Variants in TNN observed in about 807,000 individuals in gnomAD.
TNN encodes the protein tenascin N.
In TNN, 122 loss-of-function variants were observed where a neutral mutation model predicts 134.4. The observed-to-expected ratio is 0.91, with a 90% CI of 0.78 to 1.06. TNN has a LOEUF of 1.06. TNN is among the 50% of genes least tolerant of loss of function. TNN has a pLI of 0.00. For missense variants in TNN, 1,739 were observed against 1,699.4 expected, an observed-to-expected ratio of 1.02 and a Z score of -0.41; for synonymous variants, 710 against 670.3, an observed-to-expected ratio of 1.06 and a Z score of -0.91.
intron 1 of TNN, among the ~76,000 whole-genome samples, chr1:175,070,392 C>G (rs1360800382): frequency 6.6e-6 from 1 of 152,112 alleles, no homozygotes; most frequent in African/African-American, 2.4e-5. Context: ...AGGACACCAT[C>G]CTTGATCTTT....
chr1:175,114,497 A>C (rs1025509468), intron 9 of TNN, among the ~76,000 whole-genome samples: 1 of 152,344 alleles, frequency 6.6e-6, no homozygotes, highest in East Asian at 1.9e-4. Flanking sequence ...GCATAGAAGC[A>C]GTTGCCATGA....
intron 2 of TNN, 134 bp from the exon 3 acceptor site, chr1:175,079,199 G>T: frequency 8.7e-7 from 1 of 1,153,426 alleles, no homozygotes; most frequent in Non-Finnish European, 1.2e-6. Context: ...AAATAGCCGT[G>T]CAAGACCCAG....
At chr1:175,118,424 G>C in intron 10 of TNN, 137 bp from the exon 11 acceptor site, 1 of 1,080,478 alleles carries the variant, frequency 9.3e-7, no homozygotes, top group Non-Finnish European at 1.3e-6. Context: ...CCATGAAACA[G>C]CTAAAAATGA....
At chr1:175,109,334 C>A (rs1027377418) in intron 9 of TNN, among the ~76,000 whole-genome samples, 1 of 150,812 alleles carries the variant, frequency 6.6e-6, no homozygotes, top group African/African-American at 2.4e-5. Flanking sequence ...ATGATGCACC[C>A]GCCTCGGCCT....
At position 175,079,322 on chromosome 1, in the gene TNN, C is replaced by T; in HGVS notation, c.410-11C>T. ...TTCAACCCAACCTACTGTTTCTCCTCTCCCTCCCAGATCTAAGCCGCCACT... is the reference window on the plus strand; with the variant it reads ...TTCAACCCAACCTACTGTTTCTCCTTTCCCTCCCAGATCTAAGCCGCCACT... On this transcript the variant is annotated splice_polypyrimidine_tract_variant and intron_variant, in intron 2 of 18. Coordinates refer to ENST00000239462, the MANE Select transcript of TNN (RefSeq NM_022093.2). 3 of 1,578,112 alleles carry T rather than the reference C, an allele frequency of 1.9e-6. No homozygotes were observed. Among genetic ancestry groups the T allele is most frequent in the Non-Finnish European group, 2.6e-6 (3 of 1,170,660 alleles).
chr1:175,077,798 G>C lies in TNN; in HGVS notation c.380G>C (p.Ser127Thr). The change falls in exon 2 of 19, where the codon AGT becomes ACT. Residue 127 changes from serine (S) to threonine (T), a missense_variant. Transcript: ENST00000239462. ...EEMVEMKEQC[S>T]AQRCCQGVTD... is the part of the protein sequence containing the mutation. Reference sequence around the variant, plus strand: ...ATGGTGGAGATGAAGGAACAGTGTAGTGCCCAGCGCTGCTGCCAGGGAGTC... The same window carrying C: ...ATGGTGGAGATGAAGGAACAGTGTACTGCCCAGCGCTGCTGCCAGGGAGTC... 6.2e-7 allele frequency: 1 copy of C among 1,613,978 alleles called. No homozygotes were observed. The highest frequency in any genetic ancestry group is 8.5e-7 in the Non-Finnish European group (1 of 1,179,846).
At position 175,117,307 on chromosome 1, in the gene TNN, A is replaced by G. The variant is rs1041743319; in HGVS notation, c.2386+102A>G. 7.0e-6 allele frequency: 11 copies of G among 1,569,298 alleles called. No homozygotes were observed. In the African/African-American group the frequency reaches 1.1e-4, roughly 16 times the overall value. The stretch of plus-strand genomic sequence containing the variant: ...TGACATTGGCAGAAGTCAATGATTA[A>G]TGGAAGAGTGGGATGGCATCCCTTC... On this transcript the variant is annotated intron_variant, in intron 10 of 18. Transcript: ENST00000239462.
intron 14 of TNN, 38 bp from the exon 15 acceptor site, chr1:175,128,557 C>T (rs369275506): frequency 1.9e-6 from 3 of 1,572,584 alleles, no homozygotes; most frequent in Non-Finnish European, 2.6e-6. Flanking sequence ...TTCCTCCTTG[C>T]CCTTGTCCTA....
At chr1:175,128,559 C>T in intron 14 of TNN, 36 bp from the exon 15 acceptor site, 1 of 1,574,144 alleles carries the variant, frequency 6.4e-7, no homozygotes, top group East Asian at 2.3e-5. Context: ...CCTCCTTGCC[C>T]TTGTCCTAAC....
chr1:175,085,731 G>T (rs1674309758), intron 6 of TNN, among the ~76,000 whole-genome samples: 1 of 152,030 alleles, frequency 6.6e-6, no homozygotes, highest in Admixed American at 6.5e-5. Flanking sequence ...AAAATAAGCT[G>T]GGCGTGGTGG....
chr1:175,108,854 C>T (rs981120736), intron 9 of TNN, among the ~76,000 whole-genome samples: 19 of 149,498 alleles, frequency 1.3e-4, no homozygotes, highest in Admixed American at 8.6e-4. Context: ...CACACCTCCC[C>T]GCAAGCTGAG....
At chr1:175,076,058 G>T (rs531309658) in intron 1 of TNN, among the ~76,000 whole-genome samples, 10 of 152,304 alleles carry the variant, frequency 6.6e-5, no homozygotes, top group African/African-American at 2.2e-4. Flanking sequence ...GATGTATCTT[G>T]TGACTGAGGT....
chr1:175,122,091 G>A (rs1206929182), intron 11 of TNN, among the ~76,000 whole-genome samples: 1 of 152,042 alleles, frequency 6.6e-6, no homozygotes, highest in Non-Finnish European at 1.5e-5. Context: ...AGTACAGAGA[G>A]GAAAAGAGGG....
intron 16 of TNN, 50 bp from the exon 17 acceptor site, chr1:175,136,771 C>A: frequency 6.4e-7 from 1 of 1,573,944 alleles, no homozygotes; most frequent in Non-Finnish European, 8.7e-7. Context: ...TGAGTGCTTA[C>A]TCGCACACAT....
rs142319178 is a variant in TNN, at chr1:175,117,816, G to A, written c.2386+611G>A. 5.2e-3 allele frequency among the ~76,000 whole-genome samples: 791 copies of A among 152,248 alleles called. 5 individuals are homozygous for A. Among genetic ancestry groups the A allele is most frequent in the South Asian group, 0.012 (59 of 4,826 alleles). On this transcript the variant is annotated intron_variant, in intron 10 of 18. Transcript: ENST00000239462. The stretch of plus-strand genomic sequence containing the variant: ...ACAGTTGCTTAAACAAGAAAGGAGC[G>A]TATTCCTCTTGTTGAATAGCAGAGT...
At chr1:175,094,580 A>C (rs897132823) in intron 7 of TNN, among the ~76,000 whole-genome samples, 4 of 152,188 alleles carry the variant, frequency 2.6e-5, no homozygotes, top group African/African-American at 9.7e-5. Context: ...AGTGAATTTG[A>C]ATGCTTATCT....
Position 175,102,744 on chromosome 1 carries a change from C to T in TNN, c.2119+4149C>T, listed in dbSNP as rs1674760470. ...CAGCCTTGGCCAGCCCAGAAAGGGG[C>T]TCCCACAGTGTAGTGGTGGACTGAA... On this transcript the variant is annotated intron_variant, in intron 9 of 18. Coordinates refer to ENST00000239462, the MANE Select transcript of TNN (RefSeq NM_022093.2). 1.4e-5 allele frequency among the ~76,000 whole-genome samples: 2 copies of T among 146,330 alleles called. 1 individual carries two copies. The highest frequency in any genetic ancestry group is 4.6e-4 in the South Asian group (2 of 4,372).
At chr1:175,125,289 A>C (rs1675477757) in intron 12 of TNN, among the ~76,000 whole-genome samples, 1 of 152,076 alleles carries the variant, frequency 6.6e-6, no homozygotes, top group Admixed American at 6.5e-5. Context: ...TCTTTTTGGG[A>C]AGTTATAAAT....
chr1:175,137,557 A>G (rs1234637955), intron 17 of TNN, among the ~76,000 whole-genome samples: 1 of 152,272 alleles, frequency 6.6e-6, no homozygotes, highest in Admixed American at 6.5e-5. Flanking sequence ...GTAGCTGCTC[A>G]TTGGAGCTAA....
Sources: gnomAD v4.1 joint callset for allele counts (sites outside exome capture counted in the v4.1 genomes callset) on GRCh38, gnomAD v4.1.1 for gene constraint, MANE v1.5 for transcripts, NCBI Gene and HGNC (gene_info 2026-07-23, HGNC 2026-07-21) for gene names.